NSMCE2: variants seen among roughly 807,000 people sequenced by gnomAD.
The protein encoded by NSMCE2 is E3 SUMO-protein ligase NSE2.
A neutral mutation model predicts 23.8 loss-of-function variants in NSMCE2; 24 were observed. That is an observed-to-expected ratio of 1.01 (90% CI 0.73 to 1.42). NSMCE2 has a LOEUF of 1.42. NSMCE2 is among the 40% of genes most tolerant of loss of function. The pLI, the probability that NSMCE2 is intolerant of heterozygous loss-of-function variation, is 0.00. For synonymous variants in NSMCE2, 92 were observed against 94.1 expected (o/e 0.98, Z 0.13); for missense variants, 284 against 296.5 (o/e 0.96, Z 0.31).
chr8:125,216,625 G>A (rs567107780), intron 5 of NSMCE2, among the ~76,000 whole-genome samples: 154 of 145,184 alleles, frequency 1.1e-3, no homozygotes, highest in African/African-American at 3.9e-3. Flanking sequence ...CAAGAGCGAG[G>A]CTGTGTGTCA....
At chr8:125,202,127 T>A (rs193020958) in intron 5 of NSMCE2, among the ~76,000 whole-genome samples, 3 of 152,344 alleles carry the variant, frequency 2.0e-5, no homozygotes, top group Non-Finnish European at 2.9e-5. Context: ...TGTCACGGCT[T>A]CCCTTGGCTA....
intron 5 of NSMCE2, among the ~76,000 whole-genome samples, chr8:125,348,034 T>C (rs1265707804): frequency 1.3e-5 from 2 of 152,314 alleles, no homozygotes; most frequent in African/African-American, 4.8e-5. Flanking sequence ...GAGACCTTCC[T>C]TCCACAGTAT....
intron 3 of NSMCE2, among the ~76,000 whole-genome samples, chr8:125,114,825 C>T (rs1200772516): frequency 6.6e-6 from 1 of 152,182 alleles, no homozygotes; most frequent in African/African-American, 2.4e-5. Context: ...AAAAAATCTA[C>T]TTAGAGAATT....
At chr8:125,281,278 A>C (rs576921903) in intron 5 of NSMCE2, among the ~76,000 whole-genome samples, 2 of 152,312 alleles carry the variant, frequency 1.3e-5, no homozygotes, top group South Asian at 4.1e-4. Flanking sequence ...GTAGTGCTTT[A>C]ATATTGGAGA....
intron 5 of NSMCE2, among the ~76,000 whole-genome samples, chr8:125,235,079 C>G (rs34582058): frequency 6.6e-6 from 1 of 152,056 alleles, no homozygotes. Flanking sequence ...AAACCCACCT[C>G]TACTAAAAAT....
At chr8:125,336,240 T>C (rs1411380868) in intron 5 of NSMCE2, among the ~76,000 whole-genome samples, 1 of 152,194 alleles carries the variant, frequency 6.6e-6, no homozygotes, top group Non-Finnish European at 1.5e-5. Context: ...CATTTTATTA[T>C]GTGCTGGGCA....
intron 5 of NSMCE2, among the ~76,000 whole-genome samples, chr8:125,330,336 C>T (rs574357944): frequency 7.9e-5 from 12 of 151,864 alleles, no homozygotes; most frequent in Admixed American, 5.9e-4. Context: ...CCACCACACC[C>T]GGCTAATTTT....
intron 5 of NSMCE2, among the ~76,000 whole-genome samples, chr8:125,233,601 G>A (rs1439032930): frequency 6.6e-6 from 1 of 152,082 alleles, no homozygotes; most frequent in African/African-American, 2.4e-5. Flanking sequence ...TTTCCGAAAT[G>A]AAATGAATGT....
intron 3 of NSMCE2, among the ~76,000 whole-genome samples, chr8:125,139,153 T>G (rs1056856800): frequency 1.3e-5 from 2 of 152,174 alleles, no homozygotes; most frequent in Non-Finnish European, 2.9e-5. Context: ...CCAAACAAAT[T>G]CCAGATAGTT....
chr8:125,169,224 C>T (rs1350782653), intron 4 of NSMCE2, among the ~76,000 whole-genome samples: 1 of 152,158 alleles, frequency 6.6e-6, no homozygotes, highest in Admixed American at 6.5e-5. Context: ...CCTGCTATTC[C>T]TACCCGTTCT....
At chr8:125,335,426 A>C (rs978056013) in intron 5 of NSMCE2, among the ~76,000 whole-genome samples, 1 of 152,202 alleles carries the variant, frequency 6.6e-6, no homozygotes, top group Non-Finnish European at 1.5e-5. Context: ...TTGCTCAAAA[A>C]CACAGAGGGA....
chr8:125,095,070 C>T (rs1039215759), intron 1 of NSMCE2, among the ~76,000 whole-genome samples: 6 of 152,040 alleles, frequency 3.9e-5, no homozygotes, highest in South Asian at 2.1e-4. Flanking sequence ...GGGCTGGTCT[C>T]GAACTCCTGG....
At chr8:125,111,691 T>C (rs1283388190) in intron 3 of NSMCE2, among the ~76,000 whole-genome samples, 1 of 152,122 alleles carries the variant, frequency 6.6e-6, no homozygotes, top group Non-Finnish European at 1.5e-5. Flanking sequence ...TCCCAGCTAC[T>C]TGGGAGGCTA....
intron 5 of NSMCE2, among the ~76,000 whole-genome samples, chr8:125,322,052 T>C (rs1586766468): frequency 6.6e-6 from 1 of 152,240 alleles, no homozygotes; most frequent in East Asian, 1.9e-4. Flanking sequence ...TTAAGATCTT[T>C]TTTCCATTTT....
At chr8:125,228,770 T>C (rs1303128425) in intron 5 of NSMCE2, among the ~76,000 whole-genome samples, 1 of 152,188 alleles carries the variant, frequency 6.6e-6, no homozygotes, top group Non-Finnish European at 1.5e-5. Flanking sequence ...AGATAATCAA[T>C]TCATACGTGC....
chr8:125,177,320 T>C (rs973539849), intron 4 of NSMCE2, among the ~76,000 whole-genome samples: 2 of 152,122 alleles, frequency 1.3e-5, no homozygotes, highest in Non-Finnish European at 2.9e-5. Context: ...ATCTGTCTGA[T>C]CCCGAGCTCA....
intron 5 of NSMCE2, among the ~76,000 whole-genome samples, chr8:125,353,191 C>G (rs548426536): frequency 6.6e-6 from 1 of 152,340 alleles, no homozygotes; most frequent in East Asian, 1.9e-4. Context: ...AGCAGATTTT[C>G]TGGTGAATTC....
At chr8:125,183,683 C>T (rs892036626) in intron 5 of NSMCE2, among the ~76,000 whole-genome samples, 5 of 147,378 alleles carry the variant, frequency 3.4e-5, no homozygotes, top group African/African-American at 1.1e-4. Context: ...GCACATGGAC[C>T]TGTGATTACC....
intron 5 of NSMCE2, among the ~76,000 whole-genome samples, chr8:125,348,023 C>T (rs1276738248): frequency 2.4e-4 from 37 of 152,186 alleles, no homozygotes; most frequent in Non-Finnish European, 4.4e-5. Context: ...TGTTCTCTCT[C>T]GAGACCTTCC....
Sources: allele counts gnomAD v4.1 joint callset (sites outside exome capture counted in the v4.1 genomes callset), GRCh38; gene constraint gnomAD v4.1.1; transcripts MANE v1.5; gene names NCBI Gene and HGNC (gene_info 2026-07-23, HGNC 2026-07-21).